CDK14: variants seen among roughly 807,000 people sequenced by gnomAD.
The protein encoded by CDK14 is cyclin-dependent kinase 14.
A neutral mutation model predicts 60.7 loss-of-function variants in CDK14; 34 were observed. The ratio of observed to expected loss-of-function variants is 0.56; its 90% CI spans 0.43 to 0.75. The LOEUF (loss-of-function observed/expected upper bound fraction) is 0.75. CDK14 is among the 30% of genes least tolerant of loss of function. The pLI, the probability that CDK14 is intolerant of heterozygous loss-of-function variation, is 0.00. For missense variants in CDK14, 482 were observed against 564.1 expected (o/e 0.85, Z 1.47); for synonymous variants, 197 against 203.7 (o/e 0.97, Z 0.28).
In CDK14 at chr7:91,060,857, T is replaced by G. The variant is rs560773526; in HGVS notation, c.1105+14897T>G. On this transcript the variant is annotated intron_variant, in intron 11 of 14. Transcript: ENST00000380050. Reference sequence around the variant, plus strand: ...ATTTTTTCCTTCATTTTAACTTTTGTGAATCTGACAATTATGTGTCTTGGA... The same window carrying G: ...ATTTTTTCCTTCATTTTAACTTTTGGGAATCTGACAATTATGTGTCTTGGA... Among the ~76,000 whole-genome samples, 10 of 152,334 alleles carry G rather than the reference T, an allele frequency of 6.6e-5. No individual in the cohort carries two copies. The East Asian group carries it at 1.9e-3, about 29-fold the overall frequency.
intron 14 of CDK14, among the ~76,000 whole-genome samples, chr7:91,130,079 T>C (rs1448010579): frequency 1.3e-5 from 2 of 152,166 alleles, no homozygotes; most frequent in Admixed American, 6.6e-5. Flanking sequence ...AAGAAGAATA[T>C]ATCTGAAAGG....
intron 2 of CDK14, among the ~76,000 whole-genome samples, chr7:90,619,757 A>G (rs1328125801): frequency 6.6e-6 from 1 of 152,214 alleles, no homozygotes; most frequent in Non-Finnish European, 1.5e-5. Flanking sequence ...GCATTTTGGG[A>G]GGACGAGGTG....
At chr7:90,831,779 A>C (rs968118343) in intron 5 of CDK14, among the ~76,000 whole-genome samples, 2 of 152,072 alleles carry the variant, frequency 1.3e-5, no homozygotes, top group African/African-American at 2.4e-5. Flanking sequence ...ATCCTCCAGT[A>C]GCATTAGTCA....
chr7:91,147,162 TCACACA>T (rs71107808), intron 14 of CDK14, among the ~76,000 whole-genome samples: 1,788 of 124,600 alleles, frequency 0.014, 45 homozygotes, highest in African/African-American at 0.044. Flanking sequence ...TCTCTCTCTC[TCACACA>T]CACACACACA....
chr7:91,179,021 G>A (rs945240075), intron 14 of CDK14, among the ~76,000 whole-genome samples: 7 of 151,946 alleles, frequency 4.6e-5, no homozygotes, highest in Admixed American at 2.6e-4. Context: ...TGTTTATTGC[G>A]GCATTATTCA....
chr7:91,147,747 C>T (rs43018), intron 14 of CDK14, among the ~76,000 whole-genome samples: 2 of 151,934 alleles, frequency 1.3e-5, no homozygotes, highest in African/African-American at 4.8e-5. Context: ...CCCTCCCCCC[C>T]ATTAAAGCCT....
intron 2 of CDK14, among the ~76,000 whole-genome samples, chr7:90,687,712 G>T (rs1490921249): frequency 6.6e-6 from 1 of 152,080 alleles, no homozygotes; most frequent in African/African-American, 2.4e-5. Context: ...CACCCCCCAA[G>T]AAGGATTTCA....
chr7:91,105,261 G>T (rs931012676), intron 12 of CDK14, among the ~76,000 whole-genome samples: 5 of 152,236 alleles, frequency 3.3e-5, no homozygotes, highest in Non-Finnish European at 7.3e-5. Flanking sequence ...AAGGCCTTCG[G>T]CCTGAAGAAG....
chr7:91,095,900 T>C (rs1798969541), intron 12 of CDK14, among the ~76,000 whole-genome samples: 1 of 151,798 alleles, frequency 6.6e-6, no homozygotes, highest in Non-Finnish European at 1.5e-5. Context: ...ATAACAAAAA[T>C]GTTGCTTAAT....
At chr7:91,101,252 A>G (rs148079237) in intron 12 of CDK14, among the ~76,000 whole-genome samples, 2 of 152,328 alleles carry the variant, frequency 1.3e-5, no homozygotes, top group East Asian at 3.9e-4. Flanking sequence ...ATGGCATGCA[A>G]TGGACACTAA....
chr7:90,787,847 T>C (rs1001946931), intron 4 of CDK14, among the ~76,000 whole-genome samples: 3 of 152,230 alleles, frequency 2.0e-5, no homozygotes, highest in Non-Finnish European at 4.4e-5. Flanking sequence ...CTTGTTTTTT[T>C]ATGCAGTTAC....
intron 13 of CDK14, among the ~76,000 whole-genome samples, chr7:91,113,750 C>T (rs1799535841): frequency 6.6e-6 from 1 of 152,078 alleles, no homozygotes; most frequent in South Asian, 2.1e-4. Context: ...TCCTTGATGG[C>T]AATAACCCTT....
intron 11 of CDK14, among the ~76,000 whole-genome samples, chr7:91,076,557 TC>T (rs1798325135): frequency 6.6e-6 from 1 of 151,752 alleles, no homozygotes; most frequent in Non-Finnish European, 1.5e-5. Flanking sequence ...CTAGAAAAAA[TC>T]CCAGGTAATA....
intron 10 of CDK14, among the ~76,000 whole-genome samples, chr7:91,031,660 A>G (rs923857671): frequency 2.6e-5 from 4 of 152,202 alleles, no homozygotes; most frequent in African/African-American, 9.7e-5. Flanking sequence ...ATGGGTCCTT[A>G]TTAAGTTAAT....
At chr7:90,785,034 CCTTCT>C (rs554814236) in intron 4 of CDK14, among the ~76,000 whole-genome samples, 49 of 152,328 alleles carry the variant, frequency 3.2e-4, no homozygotes, top group Non-Finnish European at 6.3e-4. Flanking sequence ...ATCTACATTT[CCTTCT>C]ATTGCTTCTA....
intron 5 of CDK14, among the ~76,000 whole-genome samples, chr7:90,834,769 G>A (rs995420249): frequency 1.3e-5 from 2 of 152,298 alleles, no homozygotes; most frequent in Admixed American, 6.5e-5. Flanking sequence ...TTACTGGAAT[G>A]TATTATTTTA....
At chr7:91,204,953 A>G (rs1802840985) in intron 14 of CDK14, among the ~76,000 whole-genome samples, 1 of 152,118 alleles carries the variant, frequency 6.6e-6, no homozygotes, top group African/African-American at 2.4e-5. Flanking sequence ...GTCAAAAAAA[A>G]AAAAAAGATG....
intron 8 of CDK14, among the ~76,000 whole-genome samples, chr7:90,949,180 A>G (rs1018066154): frequency 2.0e-5 from 3 of 151,926 alleles, no homozygotes; most frequent in Non-Finnish European, 4.4e-5. Context: ...GTGTGTGTGT[A>G]TAGTTTTTTT....
intron 12 of CDK14, among the ~76,000 whole-genome samples, chr7:91,099,338 A>C (rs185577494): frequency 6.6e-6 from 1 of 152,294 alleles, no homozygotes; most frequent in African/African-American, 2.4e-5. Flanking sequence ...ACATAGACTG[A>C]ATTTTTGGAT....
Sources: allele counts gnomAD v4.1 joint callset (sites outside exome capture counted in the v4.1 genomes callset), GRCh38; gene constraint gnomAD v4.1.1; transcripts MANE v1.5; gene names NCBI Gene and HGNC (gene_info 2026-07-23, HGNC 2026-07-21).